Variants in GAP43 observed in about 807,000 individuals in gnomAD.
GAP43 encodes the protein neuromodulin.
A neutral mutation model predicts 18.6 loss-of-function variants in GAP43; 6 were observed. The ratio of observed to expected loss-of-function variants is 0.32; its 90% CI spans 0.18 to 0.64. GAP43 has a LOEUF of 0.64. Ranked by LOEUF, GAP43 falls within the 30% of genes least tolerant of loss-of-function variation. The pLI is 0.78. For missense variants in GAP43, 292 were observed against 295.5 expected (o/e 0.99, Z 0.09); for synonymous variants, 115 against 111.4 (o/e 1.03, Z -0.20).
rs1228666687 is a variant in GAP43 at position 115,693,103 on chromosome 3, A to G, written c.628+16493A>G. ...ACACTGGTGCCCTCTGCTGGGATGA[A>G]ATGGGAAGTTGATCAGGAAACAATG... On this transcript the variant is annotated intron_variant, in intron 2 of 2. Transcript: ENST00000305124. 2.0e-5 allele frequency among the ~76,000 whole-genome samples: 3 copies of G among 152,196 alleles called. No individual in the cohort carries two copies. In the East Asian group the frequency reaches 5.8e-4, roughly 29 times the overall value.
At chr3:115,626,586 C>A (rs557506999) in intron 1 of GAP43, among the ~76,000 whole-genome samples, 1 of 152,210 alleles carries the variant, frequency 6.6e-6, no homozygotes, top group African/African-American at 2.4e-5. Context: ...TTGGGGCTTA[C>A]TTTAAATAGC....
At position 115,674,427 on chromosome 3, in the gene GAP43, T is replaced by C. The variant is rs561470993; in HGVS notation, c.31-1586T>C. Among the ~76,000 whole-genome samples the C allele has an allele frequency of 2.0e-5, 3 of 152,340 alleles. 1 individual carries two copies. The highest frequency in any genetic ancestry group is 7.2e-5 in the African/African-American group (3 of 41,584). On this transcript the variant is annotated intron_variant, in intron 1 of 2. Coordinates refer to ENST00000305124, the MANE Select transcript of GAP43 (RefSeq NM_002045.4). Reference sequence around the variant, plus strand: ...TTTCTATGACCATACCTGCTGTTCCTATCCTCTGAATTAATTTTCATGTGG... The same window carrying C: ...TTTCTATGACCATACCTGCTGTTCCCATCCTCTGAATTAATTTTCATGTGG...
intron 1 of GAP43, among the ~76,000 whole-genome samples, chr3:115,638,994 A>C (rs1350113408): frequency 6.6e-6 from 1 of 152,068 alleles, no homozygotes; most frequent in Admixed American, 6.6e-5. Flanking sequence ...CCATGTATAG[A>C]TCTAGTTGAA....
At chr3:115,673,059 C>T (rs1708834029) in intron 1 of GAP43, among the ~76,000 whole-genome samples, 1 of 152,058 alleles carries the variant, frequency 6.6e-6, no homozygotes, top group Non-Finnish European at 1.5e-5. Flanking sequence ...TCCTGCTTCC[C>T]TTGAATTTCT....
chr3:115,658,628 G>A (rs1373752452), intron 1 of GAP43: 1 of 152,176 alleles, frequency 6.6e-6, no homozygotes, highest in Non-Finnish European at 1.5e-5. Context: ...TGCACGGAGA[G>A]CCCCCCAGAG....
intron 2 of GAP43, among the ~76,000 whole-genome samples, chr3:115,710,964 G>C (rs143202529): frequency 6.6e-6 from 1 of 152,222 alleles, no homozygotes; most frequent in Non-Finnish European, 1.5e-5. Context: ...TTTGGGTTTT[G>C]AATGTCATCT....
intron 1 of GAP43, among the ~76,000 whole-genome samples, chr3:115,669,526 C>CT (rs887148186): frequency 4.6e-5 from 7 of 152,160 alleles, no homozygotes; most frequent in African/African-American, 4.8e-5. Context: ...CAAAGGCTGA[C>CT]TTTTTTTCTG....
At chr3:115,656,621 T>C (rs1206611553) in intron 1 of GAP43, among the ~76,000 whole-genome samples, 1 of 152,178 alleles carries the variant, frequency 6.6e-6, no homozygotes, top group Non-Finnish European at 1.5e-5. Flanking sequence ...TTTGTAATAA[T>C]AGAAATGTTA....
Position 115,623,670 on chromosome 3 carries a change from A to AG in GAP43, c.-18dup, listed in dbSNP as rs768836905. ...AAGGAAAGGAGAGAAGGCAGGAAGAAGGCAAGGGACGAGACAACCATGCTG... is the reference window on the plus strand; with the variant it reads ...AAGGAAAGGAGAGAAGGCAGGAAGAAGGGCAAGGGACGAGACAACCATGCTG... On this transcript the variant is annotated 5_prime_UTR_variant, in exon 1 of 3. Coordinates refer to ENST00000305124, the MANE Select transcript of GAP43 (RefSeq NM_002045.4). 6.2e-6 allele frequency: 10 copies of AG among 1,614,082 alleles called. No homozygotes were observed. The South Asian group carries it at 8.8e-5, about 14-fold the overall frequency.
At chr3:115,649,446 A>G (rs953162104) in intron 1 of GAP43, among the ~76,000 whole-genome samples, 3 of 152,088 alleles carry the variant, frequency 2.0e-5, no homozygotes, top group African/African-American at 4.8e-5. Flanking sequence ...AAAAGATGCT[A>G]TTTTTCAAGG....
At chr3:115,625,375 A>G (rs557706127) in intron 1 of GAP43, among the ~76,000 whole-genome samples, 2 of 152,208 alleles carry the variant, frequency 1.3e-5, no homozygotes, top group East Asian at 1.9e-4. Context: ...TTATCAAACC[A>G]GGGCATTTTC....
intron 2 of GAP43, among the ~76,000 whole-genome samples, chr3:115,677,299 A>T (rs2107490288): frequency 6.6e-6 from 1 of 152,354 alleles, no homozygotes; most frequent in South Asian, 2.1e-4. Context: ...TATGTTGTGA[A>T]GTCAAACATA....
chr3:115,626,037 T>C (rs1291724801), intron 1 of GAP43, among the ~76,000 whole-genome samples: 1 of 152,242 alleles, frequency 6.6e-6, no homozygotes, highest in African/African-American at 2.4e-5. Flanking sequence ...GTATTTAGGA[T>C]ACCATTCAAT....
intron 2 of GAP43, among the ~76,000 whole-genome samples, chr3:115,683,550 G>A (rs940708853): frequency 6.6e-6 from 1 of 152,092 alleles, no homozygotes; most frequent in Non-Finnish European, 1.5e-5. Context: ...GAAAACTATA[G>A]CTATAATAGC....
At chr3:115,652,942 G>A (rs1708540481) in intron 1 of GAP43, among the ~76,000 whole-genome samples, 1 of 152,122 alleles carries the variant, frequency 6.6e-6, no homozygotes, top group South Asian at 2.1e-4. Flanking sequence ...GCAACTGAAT[G>A]TGTTCTGCTA....
At chr3:115,649,683 C>G (rs1367671852) in intron 1 of GAP43, among the ~76,000 whole-genome samples, 1 of 151,542 alleles carries the variant, frequency 6.6e-6, no homozygotes, top group Non-Finnish European at 1.5e-5. Context: ...TGTCAAAATC[C>G]TGAATTTTGA....
intron 2 of GAP43, among the ~76,000 whole-genome samples, chr3:115,709,461 G>T (rs1354803347): frequency 6.6e-6 from 1 of 152,182 alleles, no homozygotes; most frequent in African/African-American, 2.4e-5. Flanking sequence ...GGATCCTGTG[G>T]AGTGAAACGG....
rs3995850 is a variant in GAP43, at chr3:115,716,717, AATATATATATATATATATATATAT to A, written c.629-4049_629-4026del. Among the ~76,000 whole-genome samples the A allele has an allele frequency of 4.8e-3, 211 of 43,932 alleles. 5 individuals are homozygous for A. The highest frequency in any genetic ancestry group is 0.022 in the Middle Eastern group (1 of 46). 28.8% of individuals were successfully genotyped at this position (43,932 alleles called of 152,430 possible). On this transcript the variant is annotated intron_variant, in intron 2 of 2. Coordinates refer to ENST00000305124, the MANE Select transcript of GAP43 (RefSeq NM_002045.4). ...TAAAAAATTACTTTAATCTCAGACA[AATATATATATATATATATATATAT>A]ATATATATATATATATATATATATA...
intron 2 of GAP43, among the ~76,000 whole-genome samples, chr3:115,683,044 A>G (rs1225943480): frequency 6.6e-6 from 1 of 152,162 alleles, no homozygotes. Context: ...ACTAAAAATT[A>G]ATATTTCTTA....
Sources: gnomAD v4.1 joint callset for allele counts (sites outside exome capture counted in the v4.1 genomes callset) on GRCh38, gnomAD v4.1.1 for gene constraint, MANE v1.5 for transcripts, NCBI Gene and HGNC (gene_info 2026-07-23, HGNC 2026-07-21) for gene names.